The following DISC1 variants were observed in gnomAD, a reference collection of about 807,000 sequenced individuals.
The protein encoded by DISC1 is DISC1 scaffold protein, also known as disrupted in schizophrenia 1 protein.
DISC1 carries 57 observed loss-of-function variants against 84.5 expected under a neutral mutation model. The ratio of observed to expected loss-of-function variants is 0.67; its 90% CI spans 0.55 to 0.84. DISC1 has a LOEUF of 0.84. Ranked by LOEUF, DISC1 falls within the 40% of genes least tolerant of loss-of-function variation. The probability of loss-of-function intolerance (pLI) is 0.00; values close to 1 mark genes in which losing one functional copy is unlikely to be tolerated. For synonymous variants in DISC1, 411 were observed against 415.2 expected (o/e 0.99, Z 0.12); for missense variants, 1,000 against 1,057.8 (o/e 0.95, Z 0.76).
chr1:231,667,311 G>A (rs2062112196), intron 1 of DISC1, among the ~76,000 whole-genome samples: 1 of 152,200 alleles, frequency 6.6e-6, no homozygotes, highest in South Asian at 2.1e-4. Flanking sequence ...TGACTTCATT[G>A]GAGTTTACTT....
chr1:231,735,124 T>C (rs1301694581), intron 3 of DISC1, among the ~76,000 whole-genome samples: 1 of 152,218 alleles, frequency 6.6e-6, no homozygotes, highest in Non-Finnish European at 1.5e-5. Context: ...TCACTCAAAA[T>C]CACACTGACT....
chr1:231,890,950 G>A (rs1161246803), intron 9 of DISC1, among the ~76,000 whole-genome samples: 2 of 152,112 alleles, frequency 1.3e-5, no homozygotes, highest in Non-Finnish European at 2.9e-5. Flanking sequence ...GTGACAAAGA[G>A]TGGGAATAAG....
chr1:231,805,089 A>G (rs1477555775), intron 8 of DISC1, among the ~76,000 whole-genome samples: 2 of 152,326 alleles, frequency 1.3e-5, no homozygotes, highest in Non-Finnish European at 1.5e-5. Context: ...GTGTGGTGTA[A>G]TACACATTAA....
At chr1:231,633,251 T>C (rs2058892915) in intron 1 of DISC1, among the ~76,000 whole-genome samples, 1 of 152,240 alleles carries the variant, frequency 6.6e-6, no homozygotes, top group African/African-American at 2.4e-5. Context: ...TAGAAAGGTA[T>C]CACTTTTTGA....
intron 4 of DISC1, among the ~76,000 whole-genome samples, chr1:231,754,249 A>G (rs2074909644): frequency 6.6e-6 from 1 of 152,198 alleles, no homozygotes; most frequent in Non-Finnish European, 1.5e-5. Flanking sequence ...TCACATTATT[A>G]TAAAGAAATA....
intron 9 of DISC1, among the ~76,000 whole-genome samples, chr1:231,902,554 T>G (rs2088269406): frequency 6.6e-6 from 1 of 151,614 alleles, no homozygotes; most frequent in Non-Finnish European, 1.5e-5. Flanking sequence ...TGAGCCAAAT[T>G]CACGCCACTG....
intron 12 of DISC1, among the ~76,000 whole-genome samples, chr1:232,032,200 C>T (rs900694874): frequency 2.6e-5 from 4 of 152,154 alleles, no homozygotes; most frequent in South Asian, 2.1e-4. Flanking sequence ...GGATGCTCAA[C>T]TTGTTCTATT....
At chr1:231,884,743 G>T (rs1454074073) in intron 9 of DISC1, among the ~76,000 whole-genome samples, 1 of 150,230 alleles carries the variant, frequency 6.7e-6, no homozygotes, top group Non-Finnish European at 1.5e-5. Context: ...TTCATGACAT[G>T]AAATTTACCC....
chr1:231,674,913 C>T (rs975148902), intron 1 of DISC1, among the ~76,000 whole-genome samples: 1 of 152,174 alleles, frequency 6.6e-6, no homozygotes, highest in Non-Finnish European at 1.5e-5. Context: ...CCTACGCCCG[C>T]CCAGACTTAC....
chr1:231,827,669 G>A (rs539054040), intron 9 of DISC1, among the ~76,000 whole-genome samples: 2 of 152,266 alleles, frequency 1.3e-5, no homozygotes, highest in African/African-American at 2.4e-5. Flanking sequence ...ATGTTTTCCT[G>A]CCCTGACTGC....
At chr1:231,854,864 C>T in intron 9 of DISC1, 1 of 390,134 alleles carries the variant, frequency 2.6e-6, no homozygotes, top group Non-Finnish European at 5.1e-6. Context: ...TTACAGGTGC[C>T]CGCCACCATG....
intron 10 of DISC1, among the ~76,000 whole-genome samples, chr1:231,982,498 A>C (rs2102875134): frequency 6.6e-6 from 1 of 152,278 alleles, no homozygotes; most frequent in South Asian, 2.1e-4. Context: ...CAAAAGAAAC[A>C]CCATCTTCGC....
chr1:231,678,965 C>T (rs182574681), intron 1 of DISC1, among the ~76,000 whole-genome samples: 4 of 152,352 alleles, frequency 2.6e-5, no homozygotes, highest in East Asian at 1.9e-4. Flanking sequence ...CATGAGCCAC[C>T]GCGCCCGGCC....
At chr1:231,785,844 T>C (rs990401122) in intron 6 of DISC1, among the ~76,000 whole-genome samples, 1 of 152,210 alleles carries the variant, frequency 6.6e-6, no homozygotes, top group African/African-American at 2.4e-5. Context: ...TAAAGCCTCA[T>C]ATACACAGGC....
chr1:231,739,409 C>T (rs1339488786), intron 3 of DISC1, among the ~76,000 whole-genome samples: 1 of 152,190 alleles, frequency 6.6e-6, no homozygotes, highest in African/African-American at 2.4e-5. Flanking sequence ...TTGCTGTGTT[C>T]CCCTCAATGT....
At chr1:231,815,447 T>A (rs1411292728) in intron 8 of DISC1, among the ~76,000 whole-genome samples, 1 of 152,146 alleles carries the variant, frequency 6.6e-6, no homozygotes, top group Non-Finnish European at 1.5e-5. Context: ...TCTAAAGACA[T>A]GTACATGTTG....
intron 12 of DISC1, among the ~76,000 whole-genome samples, chr1:232,027,542 A>C (rs1356159146): frequency 6.6e-6 from 1 of 152,008 alleles, no homozygotes; most frequent in Non-Finnish European, 1.5e-5. Flanking sequence ...GCAGTTTGTC[A>C]CTGGTTAGTT....
At chr1:231,862,175 C>T (rs966559017) in intron 9 of DISC1, among the ~76,000 whole-genome samples, 2 of 152,170 alleles carry the variant, frequency 1.3e-5, no homozygotes, top group African/African-American at 2.4e-5. Context: ...TTCTGATTTA[C>T]AAAACAACCC....
chr1:231,767,090 A>G, intron 4 of DISC1, 50 bp from the exon 5 acceptor site: 1 of 1,602,820 alleles, frequency 6.2e-7, no homozygotes, highest in Non-Finnish European at 8.5e-7. Context: ...TGTCAACATG[A>G]GGATTTCAGC....
Sources: allele counts gnomAD v4.1 joint callset (sites outside exome capture counted in the v4.1 genomes callset), GRCh38; gene constraint gnomAD v4.1.1; transcripts MANE v1.5; gene names NCBI Gene and HGNC (gene_info 2026-07-23, HGNC 2026-07-21).